SPIRE1: variants seen among roughly 807,000 people sequenced by gnomAD.
SPIRE1 encodes the protein protein spire homolog 1.
A neutral mutation model predicts 94.1 loss-of-function variants in SPIRE1; 40 were observed. The ratio of observed to expected loss-of-function variants is 0.43; its 90% CI spans 0.33 to 0.55. The LOEUF is 0.55. SPIRE1 is among the 20% of genes least tolerant of loss of function. SPIRE1 has a pLI of 0.06. For missense variants in SPIRE1, 838 were observed against 975.2 expected (o/e 0.86, Z 1.87); for synonymous variants, 376 against 371.7 (o/e 1.01, Z -0.13).
intron 12 of SPIRE1, among the ~76,000 whole-genome samples, chr18:12,455,084 T>A (rs566767422): frequency 1.3e-5 from 2 of 152,018 alleles, no homozygotes; most frequent in South Asian, 4.2e-4. Flanking sequence ...TACAGGTGCA[T>A]GCCACCATGC....
intron 2 of SPIRE1, among the ~76,000 whole-genome samples, chr18:12,571,343 G>C (rs1227747992): frequency 6.6e-6 from 1 of 152,126 alleles, no homozygotes; most frequent in South Asian, 2.1e-4. Flanking sequence ...CCAAAGTGCT[G>C]GGATTACAGG....
At chr18:12,522,674 T>C (rs1478803773) in intron 4 of SPIRE1, among the ~76,000 whole-genome samples, 1 of 152,150 alleles carries the variant, frequency 6.6e-6, no homozygotes, top group African/African-American at 2.4e-5. Flanking sequence ...ATGTGGGTGA[T>C]GAAGTTGAAG....
intron 2 of SPIRE1, among the ~76,000 whole-genome samples, chr18:12,595,152 G>A (rs556853290): frequency 1.3e-4 from 20 of 152,018 alleles, no homozygotes; most frequent in Non-Finnish European, 2.4e-4. Context: ...GGGCATGGTG[G>A]TGGGGACCAC....
intron 11 of SPIRE1, 63 bp from the exon 12 acceptor site, chr18:12,463,556 A>T (rs2031963609): frequency 7.5e-7 from 1 of 1,330,848 alleles, no homozygotes; most frequent in African/African-American, 1.5e-5. Flanking sequence ...ACCTTTTGAC[A>T]TTTGTGACAA....
intron 2 of SPIRE1, among the ~76,000 whole-genome samples, chr18:12,616,894 C>G (rs1249621292): frequency 6.6e-6 from 1 of 152,168 alleles, no homozygotes; most frequent in Admixed American, 6.5e-5. Flanking sequence ...GAGTCTTGCT[C>G]TGTCGCCCAG....
intron 4 of SPIRE1, among the ~76,000 whole-genome samples, chr18:12,518,607 C>T (rs1338357430): frequency 1.1e-4 from 17 of 151,798 alleles, no homozygotes; most frequent in Non-Finnish European, 1.5e-4. Context: ...TGCTTGAGGC[C>T]GGGAGGCAGA....
intron 8 of SPIRE1, among the ~76,000 whole-genome samples, chr18:12,487,773 A>T (rs1440957369): frequency 6.6e-6 from 1 of 152,192 alleles, no homozygotes; most frequent in East Asian, 1.9e-4. Flanking sequence ...AATAACCACT[A>T]AATTGTATAC....
chr18:12,560,677 C>T (rs924055082), intron 2 of SPIRE1, among the ~76,000 whole-genome samples: 7 of 152,014 alleles, frequency 4.6e-5, no homozygotes, highest in South Asian at 4.2e-4. Flanking sequence ...GTGGTGAAAC[C>T]CCATCTCTAC....
chr18:12,586,108 G>A (rs114266417), intron 2 of SPIRE1, among the ~76,000 whole-genome samples: 129 of 152,112 alleles, frequency 8.5e-4, no homozygotes, highest in African/African-American at 3.0e-3. Context: ...GTGCCATCAC[G>A]CCCTGCTAAT....
chr18:12,590,722 C>T (rs1022754425), intron 2 of SPIRE1, among the ~76,000 whole-genome samples: 1 of 152,116 alleles, frequency 6.6e-6, no homozygotes, highest in African/African-American at 2.4e-5. Flanking sequence ...TGAAGACCCC[C>T]AGGAAGCCAC....
intron 2 of SPIRE1, among the ~76,000 whole-genome samples, chr18:12,632,881 C>A (rs149528810): frequency 6.6e-6 from 1 of 152,012 alleles, no homozygotes; most frequent in Non-Finnish European, 1.5e-5. Context: ...TATAATAAAA[C>A]GATAATTAGA....
intron 12 of SPIRE1, among the ~76,000 whole-genome samples, chr18:12,456,350 A>C (rs2031506326): frequency 1.3e-5 from 2 of 152,196 alleles, no homozygotes; most frequent in South Asian, 4.1e-4. Flanking sequence ...CTGTGCACTA[A>C]GTAAGTAGTG....
intron 4 of SPIRE1, among the ~76,000 whole-genome samples, chr18:12,529,109 C>T (rs1382646859): frequency 6.6e-6 from 1 of 152,242 alleles, no homozygotes; most frequent in Admixed American, 6.5e-5. Context: ...GTGGCTCACG[C>T]CTGTAATCCC....
intron 1 of SPIRE1, among the ~76,000 whole-genome samples, chr18:12,652,271 T>C (rs985055196): frequency 6.6e-6 from 1 of 152,194 alleles, no homozygotes; most frequent in Admixed American, 6.6e-5. Flanking sequence ...CAGGTATACT[T>C]ATGAGTATAC....
intron 2 of SPIRE1, among the ~76,000 whole-genome samples, chr18:12,550,946 A>G (rs1036410980): frequency 6.6e-6 from 1 of 152,186 alleles, no homozygotes; most frequent in African/African-American, 2.4e-5. Flanking sequence ...AGTTCCTCAG[A>G]GCTCATGCAC....
At chr18:12,516,664 G>A (rs1484462720) in intron 4 of SPIRE1, among the ~76,000 whole-genome samples, 18 of 152,182 alleles carry the variant, frequency 1.2e-4, no homozygotes, top group Admixed American at 1.2e-3. Context: ...GTCCTTAATA[G>A]TCTACAAATA....
At chr18:12,473,248 G>A (rs2032431908) in intron 10 of SPIRE1, among the ~76,000 whole-genome samples, 1 of 151,978 alleles carries the variant, frequency 6.6e-6, no homozygotes, top group African/African-American at 2.4e-5. Flanking sequence ...AAGGCACTTA[G>A]CAGTATGTAT....
intron 2 of SPIRE1, among the ~76,000 whole-genome samples, chr18:12,553,086 G>A (rs1034326391): frequency 2.6e-5 from 4 of 152,106 alleles, no homozygotes; most frequent in East Asian, 1.9e-4. Context: ...CAGGTAGTAC[G>A]CCATGGACCT....
At chr18:12,578,063 T>A (rs547634670) in intron 2 of SPIRE1, among the ~76,000 whole-genome samples, 1 of 152,118 alleles carries the variant, frequency 6.6e-6, no homozygotes, top group African/African-American at 2.4e-5. Context: ...TAAGTATTGG[T>A]GAAGATGTGG....
Sources: allele counts gnomAD v4.1 joint callset (sites outside exome capture counted in the v4.1 genomes callset), GRCh38; gene constraint gnomAD v4.1.1; transcripts MANE v1.5; gene names NCBI Gene and HGNC (gene_info 2026-07-23, HGNC 2026-07-21).